Variants in BACH2 observed in about 807,000 individuals in gnomAD.
BACH2 encodes the protein transcription regulator protein BACH2.
BACH2 carries 5 observed loss-of-function variants against 61.8 expected under a neutral mutation model. The observed-to-expected ratio is 0.08, with a 90% CI of 0.04 to 0.17. The LOEUF is 0.17. Ranked by LOEUF, BACH2 falls within the 10% of genes least tolerant of loss-of-function variation. The pLI is 1.00. For synonymous variants in BACH2, 446 were observed against 440.1 expected, an observed-to-expected ratio of 1.01 and a Z score of -0.17; for missense variants, 824 against 1,091.1, an observed-to-expected ratio of 0.76 and a Z score of 3.45.
chr6:90,045,537 G>GC (rs1389609200), intron 5 of BACH2, among the ~76,000 whole-genome samples: 1 of 152,192 alleles, frequency 6.6e-6, no homozygotes, highest in Non-Finnish European at 1.5e-5. Flanking sequence ...AGGCAGGTAA[G>GC]CTTCCACAAC....
chr6:89,990,214 C>G (rs759430401), intron 6 of BACH2, among the ~76,000 whole-genome samples: 1 of 152,162 alleles, frequency 6.6e-6, no homozygotes, highest in Non-Finnish European at 1.5e-5. Flanking sequence ...CCCTTAGAGA[C>G]AGGAGTCGGT....
intron 1 of BACH2, among the ~76,000 whole-genome samples, chr6:90,284,501 T>C (rs1771958633): frequency 1.3e-5 from 2 of 152,216 alleles, no homozygotes; most frequent in African/African-American, 2.4e-5. Context: ...CAGTGGATTG[T>C]AGTCTGCACC....
At chr6:90,025,011 C>T (rs1469097219) in intron 5 of BACH2, among the ~76,000 whole-genome samples, 1 of 152,308 alleles carries the variant, frequency 6.6e-6, no homozygotes, top group East Asian at 1.9e-4. Context: ...CCAGCGATGT[C>T]AGATGAGACT....
chr6:90,165,896 C>A (rs1382351426), intron 4 of BACH2, among the ~76,000 whole-genome samples: 1 of 152,118 alleles, frequency 6.6e-6, no homozygotes, highest in African/African-American at 2.4e-5. Context: ...ACACCTTATA[C>A]AAAAATTAAT....
chr6:90,295,420 C>T (rs1232325139), intron 1 of BACH2, among the ~76,000 whole-genome samples: 2 of 152,130 alleles, frequency 1.3e-5, no homozygotes, highest in African/African-American at 4.8e-5. Flanking sequence ...AATGCTTGGC[C>T]AGACCGAGGT....
At chr6:90,266,744 G>A (rs1414232545) in intron 2 of BACH2, among the ~76,000 whole-genome samples, 1 of 152,130 alleles carries the variant, frequency 6.6e-6, no homozygotes, top group Non-Finnish European at 1.5e-5. Context: ...GTTTCCAGGG[G>A]TTGAGGGATA....
At chr6:89,933,308 A>G (rs1328721778) in intron 8 of BACH2, among the ~76,000 whole-genome samples, 1 of 152,174 alleles carries the variant, frequency 6.6e-6, no homozygotes, top group Admixed American at 6.5e-5. Context: ...AAAATCTACC[A>G]TTCCAACCGT....
chr6:90,296,129 T>C (rs1772366838), intron 1 of BACH2, among the ~76,000 whole-genome samples: 2 of 151,902 alleles, frequency 1.3e-5, no homozygotes, highest in Admixed American at 6.6e-5. Context: ...CAGCCCGCCC[T>C]CCCCATGCCT....
chr6:89,941,408 A>G (rs1773420605), intron 7 of BACH2, among the ~76,000 whole-genome samples: 1 of 152,192 alleles, frequency 6.6e-6, no homozygotes, highest in African/African-American at 2.4e-5. Flanking sequence ...GCTCTGTCCC[A>G]TGACACCTGT....
At chr6:90,118,070 G>T (rs1345276196) in intron 4 of BACH2, among the ~76,000 whole-genome samples, 1 of 152,080 alleles carries the variant, frequency 6.6e-6, no homozygotes, top group Non-Finnish European at 1.5e-5. Context: ...CTATGTTAAA[G>T]ACACTTAAGT....
chr6:90,071,145 C>T (rs1404620096), intron 5 of BACH2, among the ~76,000 whole-genome samples: 2 of 152,200 alleles, frequency 1.3e-5, no homozygotes, highest in Non-Finnish European at 2.9e-5. Flanking sequence ...GCCACCACGT[C>T]CAGTTTATGT....
At chr6:90,289,520 C>T (rs1266818744) in intron 1 of BACH2, among the ~76,000 whole-genome samples, 2 of 152,140 alleles carry the variant, frequency 1.3e-5, no homozygotes, top group African/African-American at 2.4e-5. Flanking sequence ...AATTTTGCAT[C>T]TAAGAATGGT....
intron 5 of BACH2, among the ~76,000 whole-genome samples, chr6:90,052,382 T>A (rs976035094): frequency 7.0e-6 from 1 of 143,082 alleles, no homozygotes; most frequent in African/African-American, 3.1e-5. Flanking sequence ...GCTCTCTCTA[T>A]CCTGATTTTT....
chr6:89,965,543 G>C (rs191580967), intron 6 of BACH2, among the ~76,000 whole-genome samples: 6 of 152,300 alleles, frequency 3.9e-5, no homozygotes, highest in African/African-American at 1.4e-4. Flanking sequence ...TCAATTGAAA[G>C]CATGTGCCTT....
At chr6:90,253,741 T>G (rs1263613832) in intron 2 of BACH2, among the ~76,000 whole-genome samples, 2 of 152,218 alleles carry the variant, frequency 1.3e-5, no homozygotes, top group African/African-American at 2.4e-5. Flanking sequence ...AGAATCCAAG[T>G]GTATTTTAAA....
chr6:90,138,329 C>A (rs923478533), intron 4 of BACH2, among the ~76,000 whole-genome samples: 2 of 152,046 alleles, frequency 1.3e-5, no homozygotes, highest in Non-Finnish European at 2.9e-5. Flanking sequence ...ATGGTGAAGC[C>A]CCGTCTCTAC....
chr6:90,258,531 T>G (rs1415726867), intron 2 of BACH2, among the ~76,000 whole-genome samples: 3 of 152,194 alleles, frequency 2.0e-5, no homozygotes, highest in Non-Finnish European at 4.4e-5. Context: ...TTTTCATAAT[T>G]GTTTTGGCTA....
intron 5 of BACH2, among the ~76,000 whole-genome samples, chr6:90,081,681 G>C (rs1469407784): frequency 2.0e-5 from 3 of 152,050 alleles, no homozygotes; most frequent in African/African-American, 4.8e-5. Flanking sequence ...TATAACCAAT[G>C]TCAAAGACAG....
chr6:90,260,263 C>T (rs953762795), intron 2 of BACH2, among the ~76,000 whole-genome samples: 3 of 152,242 alleles, frequency 2.0e-5, no homozygotes, highest in African/African-American at 4.8e-5. Context: ...TGTCATTTGT[C>T]TCAAGGCATT....
Sources: allele counts gnomAD v4.1 joint callset (sites outside exome capture counted in the v4.1 genomes callset), GRCh38; gene constraint gnomAD v4.1.1; transcripts MANE v1.5; gene names NCBI Gene and HGNC (gene_info 2026-07-23, HGNC 2026-07-21).